TTL: variants seen among roughly 807,000 people sequenced by gnomAD.
The protein encoded by TTL is tubulin--tyrosine ligase.
A neutral mutation model predicts 41.1 loss-of-function variants in TTL; 10 were observed. The ratio of observed to expected loss-of-function variants is 0.24; its 90% CI spans 0.15 to 0.41. The LOEUF (loss-of-function observed/expected upper bound fraction) is 0.41. Ranked by LOEUF, TTL falls within the 10% of genes least tolerant of loss-of-function variation. The pLI is 1.00. For synonymous variants in TTL, 175 were observed against 175.5 expected (o/e 1.00, Z 0.02); for missense variants, 367 against 460.4 (o/e 0.80, Z 1.86).
rs1440457286 is a variant in TTL, at chr2:112,541,451, C to T, written c.*12656C>T. 6.6e-6 allele frequency: 1 copy of T among 152,118 alleles called. No homozygotes were observed. Among genetic ancestry groups the T allele is most frequent in the Non-Finnish European group, 1.5e-5 (1 of 68,072 alleles). The allele number at this position is 152,118 out of a possible 1,614,324, so 9.4% of individuals were successfully genotyped here. On this transcript the variant is annotated 3_prime_UTR_variant, in exon 7 of 7. Transcript: ENST00000233336. ...ATCACTAGAGGCCGGAAGTTCAAGA[C>T]CAGCCTGTGCAACAGACTCCCGGCT...
intron 6 of TTL, among the ~76,000 whole-genome samples, chr2:112,528,219 G>A (rs141654853): frequency 0.018 from 2,665 of 152,206 alleles, 73 homozygotes; most frequent in African/African-American, 0.054. Flanking sequence ...TGGGTAACCC[G>A]ACCTTTCTCT....
chr2:112,531,571 CG>C lies in TTL; in HGVS notation c.*2778del, dbSNP rs1682510350. 4.4e-6 allele frequency: 1 copy of C among 229,308 alleles called. No individual in the cohort carries two copies. The highest frequency in any genetic ancestry group is 1.8e-4 in the South Asian group (1 of 5,490). 14.2% of individuals were successfully genotyped at this position (229,308 alleles called of 1,614,324 possible). ...AGTGCCCACTCTTCCCCTGTACCCC[CG>C]GACAGTTAAATCAGAACCTCAGACA... On this transcript the variant is annotated 3_prime_UTR_variant, in exon 7 of 7. Coordinates refer to ENST00000233336, the MANE Select transcript of TTL (RefSeq NM_153712.5).
intron 3 of TTL, among the ~76,000 whole-genome samples, chr2:112,500,450 A>T (rs1681659515): frequency 6.6e-6 from 1 of 152,130 alleles, no homozygotes; most frequent in Non-Finnish European, 1.5e-5. Flanking sequence ...GCACGCCTGT[A>T]ATCCCAGCTA....
At chr2:112,526,703 G>A (rs1191852814) in intron 6 of TTL, among the ~76,000 whole-genome samples, 8 of 151,918 alleles carry the variant, frequency 5.3e-5, no homozygotes, top group African/African-American at 1.7e-4. Flanking sequence ...TCTTGCTAGC[G>A]GTCTATCAGT....
chr2:112,527,510 A>G (rs543209758), intron 6 of TTL, among the ~76,000 whole-genome samples: 115 of 152,308 alleles, frequency 7.6e-4, no homozygotes, highest in African/African-American at 2.6e-3. Context: ...TATTGGGTGC[A>G]TATATATTTA....
At chr2:112,509,997 C>G (rs1315973369) in intron 5 of TTL, among the ~76,000 whole-genome samples, 1 of 152,110 alleles carries the variant, frequency 6.6e-6, no homozygotes. Flanking sequence ...TTTTATCAGT[C>G]TTTTCAAAAA....
intron 3 of TTL, among the ~76,000 whole-genome samples, chr2:112,494,668 G>T (rs991150740): frequency 1.3e-5 from 2 of 152,104 alleles, no homozygotes; most frequent in Non-Finnish European, 2.9e-5. Flanking sequence ...ACGCCAGCCT[G>T]CTCCTCCTTC....
chr2:112,499,374 C>T (rs540561057), intron 3 of TTL, among the ~76,000 whole-genome samples: 2,207 of 152,140 alleles, frequency 0.015, 47 homozygotes, highest in African/African-American at 0.05. Flanking sequence ...ATATGCCCAT[C>T]TGATATTTGA....
At position 112,538,841 on chromosome 2, in the gene TTL, G is replaced by GTCGCGGTGGC. The variant is rs1682650589; in HGVS notation, c.*10049_*10058dup. The GTCGCGGTGGC allele has an allele frequency of 2.0e-5, 3 of 152,302 alleles. No individual in the cohort carries two copies. The highest frequency in any genetic ancestry group is 4.4e-5 in the Non-Finnish European group (3 of 68,158). The allele number at this position is 152,302 out of a possible 1,614,324, so 9.4% of individuals were successfully genotyped here. ...TGGACATAAAGTTGGGAAGAGGCCA[G>GTCGCGGTGGC]TCGCGGTGGCTCACGCCTGTCATCC... On this transcript the variant is annotated 3_prime_UTR_variant, in exon 7 of 7. Coordinates refer to ENST00000233336, the MANE Select transcript of TTL (RefSeq NM_153712.5).
At chr2:112,518,360 G>C (rs889625431) in intron 5 of TTL, among the ~76,000 whole-genome samples, 6 of 151,232 alleles carry the variant, frequency 4.0e-5, no homozygotes, top group Non-Finnish European at 8.8e-5. Context: ...ATGTGTGCTT[G>C]TCAATTCAGG....
chr2:112,509,483 A>T (rs930509340), intron 5 of TTL, among the ~76,000 whole-genome samples: 1 of 152,056 alleles, frequency 6.6e-6, no homozygotes, highest in African/African-American at 2.4e-5. Context: ...TGGGCGTAGG[A>T]CCCTCTGAGC....
rs1288947471 is a variant in TTL at position 112,482,548 on chromosome 2, C to A, written c.157+47C>A. 1 of 1,528,472 alleles carries A rather than the reference C, an allele frequency of 6.5e-7. No individual in the cohort carries two copies. The highest frequency in any genetic ancestry group is 8.8e-7 in the Non-Finnish European group (1 of 1,134,402). The allele number at this position is 1,528,472 out of a possible 1,614,324, so 94.7% of individuals were successfully genotyped here. A position where few individuals can be genotyped will look rare whatever the true frequency, so the allele number is the denominator to read the frequency against. On this transcript the variant is annotated intron_variant, in intron 1 of 6. Transcript: ENST00000233336. This position sits in a 1 kb window ranked among gnomAD's most constrained non-coding sequence, Gnocchi z 5.3. ...GTCTGCCCTCCTCGGAGCGGCCCTG[C>A]GCGCCTCCCGCGGCCCGTTAGAACC...
chr2:112,494,213 A>G lies in TTL; in HGVS notation c.307A>G (p.Thr103Ala), dbSNP rs769775431. 1.9e-5 allele frequency: 30 copies of G among 1,614,188 alleles called. No homozygotes were observed. The highest frequency in any genetic ancestry group is 4.5e-5 in the East Asian group (2 of 44,890). ...WFPESYVIYP[T>A]NLKTPVAPAQ... ...CCCTGAATCTTATGTGATTTATCCA[A>G]CCAATCTCAAGACTCCAGTTGCTCC... The change falls in exon 3 of 7, where the codon ACC becomes GCC. Residue 103 changes from threonine to alanine, a missense_variant. Coordinates refer to ENST00000233336, the MANE Select transcript of TTL (RefSeq NM_153712.5).
intron 4 of TTL, among the ~76,000 whole-genome samples, 178 bp from the exon 5 acceptor site, chr2:112,502,734 C>G (rs1375296538): frequency 1.3e-5 from 2 of 151,926 alleles, no homozygotes; most frequent in African/African-American, 4.8e-5. Flanking sequence ...GTAGTGATAA[C>G]TCACTATCTT....
chr2:112,529,319 G>A lies in TTL; in HGVS notation c.*524G>A, dbSNP rs1682448374. On this transcript the variant is annotated 3_prime_UTR_variant, in exon 7 of 7. Transcript: ENST00000233336. ...TGTGCACTGGCCTCTCGGCAAAGGT[G>A]GTTTCCCTCATCACCTTCCTGATGG... is the stretch of plus-strand genomic sequence containing the variant. 1 of 232,342 alleles carries A rather than the reference G, an allele frequency of 4.3e-6. No homozygotes were observed. Among genetic ancestry groups the A allele is most frequent in the Non-Finnish European group, 8.5e-6 (1 of 117,326 alleles). 14.4% of individuals were successfully genotyped at this position (232,342 alleles called of 1,614,324 possible).
At chr2:112,503,970 G>A (rs1428131001) in intron 5 of TTL, among the ~76,000 whole-genome samples, 9 of 73,942 alleles carry the variant, frequency 1.2e-4, no homozygotes, top group Non-Finnish European at 2.1e-4. Flanking sequence ...CCCCTCCCCC[G>A]ACCCCACCAC....
At chr2:112,515,272 G>T (rs567077064) in intron 5 of TTL, among the ~76,000 whole-genome samples, 3 of 152,246 alleles carry the variant, frequency 2.0e-5, no homozygotes, top group African/African-American at 7.2e-5. Context: ...TGTGGGCAAA[G>T]AATGTTTTTT....
chr2:112,496,709 ATTTT>A (rs1311299876), intron 3 of TTL, among the ~76,000 whole-genome samples: 2 of 57,198 alleles, frequency 3.5e-5, no homozygotes, highest in Admixed American at 1.8e-4. Context: ...GTGTGTGTGT[ATTTT>A]TTTTTTTTTT....
At chr2:112,491,656 A>AAC (rs1273178581) in intron 2 of TTL, among the ~76,000 whole-genome samples, 1 of 152,216 alleles carries the variant, frequency 6.6e-6, no homozygotes, top group African/African-American at 2.4e-5. Flanking sequence ...CAGACTCTGT[A>AAC]AAACATTTGC....
Sources: gnomAD v4.1 joint callset for allele counts (sites outside exome capture counted in the v4.1 genomes callset) on GRCh38, gnomAD v4.1.1 for gene constraint, Gnocchi (gnomAD v3.1) non-coding constraint, MANE v1.5 for transcripts, NCBI Gene and HGNC (gene_info 2026-07-23, HGNC 2026-07-21) for gene names.